Variants in ANKRD36B observed in about 807,000 individuals in gnomAD.
ANKRD36B encodes the protein ankyrin repeat domain-containing protein 36B.
Under a neutral mutation model 135.7 loss-of-function variants are expected in ANKRD36B, and 37 were observed. That is an observed-to-expected ratio of 0.27 (90% CI 0.21 to 0.36). The LOEUF (loss-of-function observed/expected upper bound fraction) is 0.36. Among genes scored for constraint, ANKRD36B ranks in the 10% least tolerant of loss-of-function variants. The probability of loss-of-function intolerance (pLI) is 1.00; values close to 1 mark genes in which losing one functional copy is unlikely to be tolerated. For missense variants in ANKRD36B, 549 were observed against 1,037.1 expected, an observed-to-expected ratio of 0.53 and a Z score of 6.46; for synonymous variants, 179 against 348.1, an observed-to-expected ratio of 0.51 and a Z score of 5.41.
chr2:97,570,211 T>G (rs10194311), intron 6 of ANKRD36B, among the ~76,000 whole-genome samples: 105 of 151,972 alleles, frequency 6.9e-4, no homozygotes, highest in East Asian at 3.1e-3. Flanking sequence ...TGCAACTGAC[T>G]CAAATGAAAT....
intron 6 of ANKRD36B, among the ~76,000 whole-genome samples, chr2:97,570,080 C>T (rs565746104): frequency 6.6e-6 from 1 of 152,140 alleles, no homozygotes; most frequent in African/African-American, 2.4e-5. Flanking sequence ...AAAGGTTAAT[C>T]GAATAAGAAC....
intron 22 of ANKRD36B, among the ~76,000 whole-genome samples, chr2:97,546,494 T>A (rs904689659): frequency 2.6e-5 from 4 of 151,710 alleles, no homozygotes; most frequent in Non-Finnish European, 5.9e-5. Flanking sequence ...AGTTTAGACT[T>A]CTGAAAATTT....
At chr2:97,570,761 C>A (rs1351670492) in intron 6 of ANKRD36B, among the ~76,000 whole-genome samples, 1 of 152,210 alleles carries the variant, frequency 6.6e-6, no homozygotes, top group Non-Finnish European at 1.5e-5. Flanking sequence ...ACTTTGTATT[C>A]TTTCACTGTA....
At chr2:97,583,282 C>CCTGAAACAAAG (rs1163822891) in intron 3 of ANKRD36B, among the ~76,000 whole-genome samples, 12 of 82,286 alleles carry the variant, frequency 1.5e-4, no homozygotes, top group Non-Finnish European at 2.9e-4. Flanking sequence ...CAAAGAGACT[C>CCTGAAACAAAG]AGAGTCCTGA....
rs2079290442 is a variant in ANKRD36B, at chr2:97,544,148, C to A, written c.1682-163G>T. ...GGGACTGGAATATGACAGAAATACACTGAAAAAGGTGAATACAGGCTTCAC... is the reference window on the plus strand; with the variant it reads ...GGGACTGGAATATGACAGAAATACAATGAAAAAGGTGAATACAGGCTTCAC... On this transcript the variant is annotated intron_variant, in intron 24 of 43. Transcript: ENST00000359901. Among the ~76,000 whole-genome samples, 4 of 32,820 alleles carry A rather than the reference C, an allele frequency of 1.2e-4. No individual in the cohort carries two copies. The South Asian group carries it at 2.1e-3, about 18-fold the overall frequency. The allele number at this position is 32,820 out of a possible 152,430, so 21.5% of individuals were successfully genotyped here.
At chr2:97,547,800 G>T in intron 20 of ANKRD36B, 69 bp from the exon 21 acceptor site, 1 of 1,526,712 alleles carries the variant, frequency 6.6e-7, no homozygotes. Flanking sequence ...CATTCACGCA[G>T]TGTTAGCATC....
chr2:97,546,661 T>G (rs11676277), intron 22 of ANKRD36B, among the ~76,000 whole-genome samples: 72,989 of 151,600 alleles, frequency 0.48, 21,189 homozygotes, highest in Non-Finnish European at 0.66. Flanking sequence ...CATTGAAAAT[T>G]ATAATTTTAG....
chr2:97,577,894 C>T (rs1388576202), intron 5 of ANKRD36B, among the ~76,000 whole-genome samples: 1 of 151,902 alleles, frequency 6.6e-6, no homozygotes, highest in East Asian at 1.9e-4. Context: ...CTGAGAAAAG[C>T]TCTTACGCTG....
intron 10 of ANKRD36B, among the ~76,000 whole-genome samples, chr2:97,557,755 CTAGTT>C (rs1264361737): frequency 6.6e-6 from 1 of 151,760 alleles, no homozygotes; most frequent in African/African-American, 2.4e-5. Flanking sequence ...GTTGTGTCCT[CTAGTT>C]TAGGCTACAG....
chr2:97,579,532 AT>A (rs2082447491), intron 4 of ANKRD36B, among the ~76,000 whole-genome samples: 1 of 147,980 alleles, frequency 6.8e-6, no homozygotes. Flanking sequence ...CTATATATAT[AT>A]ATATATGGAG....
chr2:97,556,343 A>G (rs980691827), intron 12 of ANKRD36B, among the ~76,000 whole-genome samples: 7 of 151,904 alleles, frequency 4.6e-5, no homozygotes, highest in Admixed American at 2.0e-4. Context: ...TCATCGGAGC[A>G]GTCAGAAATC....
rs1296198550 is a variant in ANKRD36B, at chr2:97,526,014, A to G, written c.2266-2547T>C. On this transcript the variant is annotated intron_variant, in intron 35 of 43. Transcript: ENST00000359901. ...AAAAAGACAGCAGTAACCTCTGCAGACTTAAATGTCCCTGTCTGACAGCTT... is the reference window on the plus strand; with the variant it reads ...AAAAAGACAGCAGTAACCTCTGCAGGCTTAAATGTCCCTGTCTGACAGCTT... 2.0e-5 allele frequency among the ~76,000 whole-genome samples: 2 copies of G among 97,924 alleles called. 1 individual carries two copies. The highest frequency in any genetic ancestry group is 5.5e-5 in the Non-Finnish European group (2 of 36,526). The allele number at this position is 97,924 out of a possible 152,430, so 64.2% of individuals were successfully genotyped here. A position where few individuals can be genotyped will look rare whatever the true frequency, so the allele number is the denominator to read the frequency against.
intron 1 of ANKRD36B, among the ~76,000 whole-genome samples, chr2:97,585,614 G>A (rs532332973): frequency 6.6e-6 from 1 of 152,312 alleles, no homozygotes; most frequent in East Asian, 1.9e-4. Flanking sequence ...TTTACTGTAA[G>A]CTCTGTCACT....
intron 12 of ANKRD36B, among the ~76,000 whole-genome samples, chr2:97,556,595 T>C (rs1435984400): frequency 6.6e-6 from 1 of 151,880 alleles, no homozygotes; most frequent in Non-Finnish European, 1.5e-5. Flanking sequence ...CTGACATCTA[T>C]AATTTCTGTT....
intron 37 of ANKRD36B, among the ~76,000 whole-genome samples, chr2:97,513,926 G>C (rs1244284724): frequency 8.3e-6 from 1 of 120,406 alleles, no homozygotes; most frequent in Non-Finnish European, 1.6e-5. Flanking sequence ...GGAAGCCCCA[G>C]CTTTGAGTTG....
At chr2:97,586,888 A>T (rs2083039176) in intron 1 of ANKRD36B, among the ~76,000 whole-genome samples, 1 of 152,204 alleles carries the variant, frequency 6.6e-6, no homozygotes, top group Non-Finnish European at 1.5e-5. Flanking sequence ...AAAAATAAAA[A>T]TAAGGCCAGG....
chr2:97,558,922 A>G, intron 9 of ANKRD36B, 44 bp downstream of exon 9: 1 of 1,607,744 alleles, frequency 6.2e-7, no homozygotes, highest in East Asian at 2.2e-5. Context: ...GGTTTCATAG[A>G]CTATACGGTT....
Position 97,560,710 on chromosome 2 carries a change from A to G in ANKRD36B, c.820T>C (p.Ser274Pro). The G allele has an allele frequency of 6.2e-7, 1 of 1,603,010 alleles. No homozygotes were observed. The change falls in exon 8 of 44, where the codon TCA becomes CCA. Residue 274 changes from serine to proline, a missense_variant. By Grantham distance (74) the Ser-to-Pro change is moderately conservative. Coordinates refer to ENST00000359901, the MANE Select transcript of ANKRD36B (RefSeq NM_001393939.1). ...KATSDDKDSV[S>P]NIATEIKEGP... ...TCCTTTATTTCTGTGGCTATATTTG[A>G]AACAGAATCTTTGTCGTCACTTGTA...
rs1432207763 is a variant in ANKRD36B at position 97,525,534 on chromosome 2, A to T, written c.2266-2067T>A. On this transcript the variant is annotated intron_variant, in intron 35 of 43. Transcript: ENST00000359901. ...AGGTACCAGGTTCATCTCACTAGGG[A>T]GTGCCAGACAGTGGGTGCAGGATAG... 5.2e-5 allele frequency among the ~76,000 whole-genome samples: 5 copies of T among 95,784 alleles called. 1 individual carries two copies. Among genetic ancestry groups the T allele is most frequent in the African/African-American group, 1.6e-4 (5 of 31,862 alleles). 62.8% of individuals were successfully genotyped at this position (95,784 alleles called of 152,430 possible). A position where few individuals can be genotyped will look rare whatever the true frequency, so the allele number is the denominator to read the frequency against.
Sources: allele counts gnomAD v4.1 joint callset (sites outside exome capture counted in the v4.1 genomes callset), GRCh38; gene constraint gnomAD v4.1.1; transcripts MANE v1.5; gene names NCBI Gene and HGNC (gene_info 2026-07-23, HGNC 2026-07-21).